PDXDC1: variants seen among roughly 807,000 people sequenced by gnomAD.
PDXDC1 encodes the protein pyridoxal dependent decarboxylase domain containing 1.
Under a neutral mutation model 100.1 loss-of-function variants are expected in PDXDC1, and 42 were observed. That is an observed-to-expected ratio of 0.42 (90% CI 0.33 to 0.54). PDXDC1 has a LOEUF of 0.54. Ranked by LOEUF, PDXDC1 falls within the 20% of genes least tolerant of loss-of-function variation. The pLI is 0.10. For missense variants in PDXDC1, 636 were observed against 979.2 expected (o/e 0.65, Z 4.68); for synonymous variants, 260 against 371.7 (o/e 0.70, Z 3.46).
At chr16:15,127,141 C>T (rs150029288) in intron 16 of PDXDC1, 19,891 of 367,636 alleles carry the variant, frequency 0.054, 751 homozygotes, top group Middle Eastern at 0.076. Context: ...TTGCTATAGA[C>T]GTACTGAGAT....
chr16:15,047,039 G>A (rs1372882109), intron 16 of PDXDC1, among the ~76,000 whole-genome samples: 1 of 152,136 alleles, frequency 6.6e-6, no homozygotes, highest in African/African-American at 2.4e-5. Flanking sequence ...CGGGCTTTCT[G>A]TCTACTCTTC....
chr16:15,144,260 G>A (rs1411450286), downstream of PDXDC1, among the ~76,000 whole-genome samples: 4 of 152,334 alleles, frequency 2.6e-5, no homozygotes, highest in East Asian at 3.9e-4. Flanking sequence ...TGGGCCAGCC[G>A]AGCCATGACC....
intron 4 of PDXDC1, among the ~76,000 whole-genome samples, chr16:15,003,584 G>A (rs1166018694): frequency 3.3e-5 from 5 of 152,292 alleles, no homozygotes; most frequent in African/African-American, 1.2e-4. Context: ...AATTCTTAAG[G>A]CTGGTATTTA....
chr16:15,098,139 G>C (rs1346401708), intron 16 of PDXDC1, among the ~76,000 whole-genome samples: 1 of 149,248 alleles, frequency 6.7e-6, no homozygotes, highest in Non-Finnish European at 1.5e-5. Flanking sequence ...TGGAACTGTT[G>C]GGTTGGAGGG....
chr16:14,977,949 G>GA (rs2151131614), intron 1 of PDXDC1, among the ~76,000 whole-genome samples: 1 of 152,380 alleles, frequency 6.6e-6, no homozygotes, highest in South Asian at 2.1e-4. Context: ...AAATGTATGT[G>GA]AAAAAACAAA....
intron 16 of PDXDC1, chr16:15,125,675 C>G: frequency 7.4e-7 from 1 of 1,348,892 alleles, no homozygotes; most frequent in Non-Finnish European, 1.1e-6. Context: ...CCCAGGACCC[C>G]CAGTAGAGCC....
chr16:15,036,459 A>G lies in PDXDC1; in HGVS notation c.*184A>G. The G allele has an allele frequency of 5.6e-6, 3 of 534,926 alleles. No individual in the cohort carries two copies. The highest frequency in any genetic ancestry group is 6.5e-6 in the Non-Finnish European group (2 of 309,620). 33.1% of individuals were successfully genotyped at this position (534,926 alleles called of 1,614,324 possible). On this transcript the variant is annotated 3_prime_UTR_variant, in exon 23 of 23. Coordinates refer to ENST00000396410, the MANE Select transcript of PDXDC1 (RefSeq NM_015027.4). Reference sequence around the variant, plus strand: ...GAGGGGAGTCAGCTTGTCTAACTTCATGTACATGTAGAACCACGTTTGCTG... The same window carrying G: ...GAGGGGAGTCAGCTTGTCTAACTTCGTGTACATGTAGAACCACGTTTGCTG...
chr16:14,988,015 A>G (rs979871800), intron 1 of PDXDC1, among the ~76,000 whole-genome samples: 9 of 133,486 alleles, frequency 6.7e-5, no homozygotes, highest in Admixed American at 5.7e-4. Flanking sequence ...TTTTTTTGCC[A>G]TACAGGTTCA....
At chr16:15,139,761 A>G (rs1333390967), downstream of PDXDC1, among the ~76,000 whole-genome samples, 1 of 151,836 alleles carries the variant, frequency 6.6e-6, no homozygotes, top group Non-Finnish European at 1.5e-5. Context: ...AGCCTGGGCG[A>G]CAGAGCAAGA....
intron 16 of PDXDC1, chr16:15,128,174 C>T: frequency 1.2e-6 from 2 of 1,610,504 alleles, no homozygotes; most frequent in Non-Finnish European, 1.7e-6. Context: ...TCGCAGGGCG[C>T]CCCAACGCGG....
chr16:14,975,329 G>C (rs1273492120), intron 1 of PDXDC1, 109 bp downstream of exon 1: 1 of 1,351,102 alleles, frequency 7.4e-7, no homozygotes, highest in East Asian at 3.0e-5. Context: ...ACAGGGGGAC[G>C]CGGGCTGACA....
At chr16:15,137,792 T>C (rs1409535330) in intron 16 of PDXDC1, 1 of 1,578,288 alleles carries the variant, frequency 6.3e-7, no homozygotes, top group African/African-American at 1.3e-5. Flanking sequence ...AAGCAGAGGC[T>C]GGCCAGCCAG....
rs546357957 is a variant in PDXDC1, at chr16:15,065,151, G to A, written c.1399+35095G>A. 9.4e-4 allele frequency: 1,405 copies of A among 1,488,656 alleles called. 8 individuals are homozygous for A. Among genetic ancestry groups the A allele is most frequent in the Middle Eastern group, 5.0e-3 (28 of 5,616 alleles). 92.2% of individuals were successfully genotyped at this position (1,488,656 alleles called of 1,614,324 possible). Reference sequence around the variant, plus strand: ...ACCGCACTCCAGCCTGGGCGACAGAGTGAGACTCCGTCTCAAAAAAAAAAA... The same window carrying A: ...ACCGCACTCCAGCCTGGGCGACAGAATGAGACTCCGTCTCAAAAAAAAAAA... On this transcript the variant is annotated intron_variant, in intron 16 of 16. Transcript: ENST00000535621.
At chr16:15,094,357 G>T (rs1189439630) in intron 16 of PDXDC1, 1 of 867,684 alleles carries the variant, frequency 1.2e-6, no homozygotes, top group Non-Finnish European at 1.8e-6. Flanking sequence ...CCCGCGTGGG[G>T]AGGGCGTATG....
chr16:15,010,934 C>G (rs2041207887), intron 8 of PDXDC1, among the ~76,000 whole-genome samples: 1 of 152,288 alleles, frequency 6.6e-6, no homozygotes, highest in African/African-American at 2.4e-5. Flanking sequence ...GAGAGAAATT[C>G]AAGAAGACCC....
At position 15,037,550 on chromosome 16, in the gene PDXDC1, G is replaced by A. The variant is rs1476466312; in HGVS notation, c.*1275G>A. On this transcript the variant is annotated 3_prime_UTR_variant, in exon 23 of 23. Coordinates refer to ENST00000396410, the MANE Select transcript of PDXDC1 (RefSeq NM_015027.4). ...AATGAAGTATAGCAGATAAAATGGGGGAGGGGTAAATTATCACCTTCAAGA... is the reference window on the plus strand; with the variant it reads ...AATGAAGTATAGCAGATAAAATGGGAGAGGGGTAAATTATCACCTTCAAGA... 6.5e-6 allele frequency: 1 copy of A among 153,394 alleles called. No homozygotes were observed. Among genetic ancestry groups the A allele is most frequent in the Admixed American group, 6.5e-5 (1 of 15,366 alleles). 9.5% of individuals were successfully genotyped at this position (153,394 alleles called of 1,614,324 possible).
At chr16:15,060,065 G>GT (rs992882850) in intron 16 of PDXDC1, 2 of 267,232 alleles carry the variant, frequency 7.5e-6, no homozygotes, top group African/African-American at 2.3e-5. Flanking sequence ...GTATAAGAAC[G>GT]TAAGTTCCAG....
chr16:15,084,026 C>G (rs2045812359), intron 16 of PDXDC1, among the ~76,000 whole-genome samples: 1 of 152,088 alleles, frequency 6.6e-6, no homozygotes, highest in Non-Finnish European at 1.5e-5. Context: ...AGAACTGGAA[C>G]TTACAATGTA....
intron 1 of PDXDC1, among the ~76,000 whole-genome samples, chr16:14,979,474 G>C (rs1224702497): frequency 6.6e-6 from 1 of 152,282 alleles, no homozygotes; most frequent in East Asian, 1.9e-4. Context: ...ATTTTTAGTA[G>C]GGATGGGATT....
Sources: allele counts gnomAD v4.1 joint callset (sites outside exome capture counted in the v4.1 genomes callset), GRCh38; gene constraint gnomAD v4.1.1; transcripts MANE v1.5; gene names NCBI Gene and HGNC (gene_info 2026-07-23, HGNC 2026-07-21).